Variants in CSMD1 observed in about 807,000 individuals in gnomAD.
CSMD1 encodes the protein CUB and sushi domain-containing protein 1.
A neutral mutation model predicts 417.5 loss-of-function variants in CSMD1; 213 were observed. The observed-to-expected ratio is 0.51, with a 90% confidence interval of 0.46 to 0.57. The LOEUF (loss-of-function observed/expected upper bound fraction) is 0.57, where lower values mean the gene tolerates loss of function less well. Ranked by LOEUF, CSMD1 falls within the 20% of genes least tolerant of loss-of-function variation. The pLI is 0.00. For missense variants in CSMD1, 6,923 were observed against 4,529.7 expected (o/e 1.53, Z -15.17); for synonymous variants, 2,862 against 1,736.8 (o/e 1.65, Z -16.11).
intron 3 of CSMD1, among the ~76,000 whole-genome samples, chr8:4,285,253 C>T (rs182909234): frequency 1.1e-4 from 17 of 152,198 alleles, no homozygotes; most frequent in Admixed American, 1.1e-3. Flanking sequence ...AGCAGGCCGA[C>T]TGTAGCCTTA....
At chr8:3,805,398 T>A (rs552532571) in intron 5 of CSMD1, among the ~76,000 whole-genome samples, 1 of 152,172 alleles carries the variant, frequency 6.6e-6, no homozygotes, top group East Asian at 1.9e-4. Flanking sequence ...AACCCTGTAA[T>A]CACAAGGAAA....
At chr8:4,132,826 TGATA>T (rs1438285358) in intron 3 of CSMD1, among the ~76,000 whole-genome samples, 1 of 152,208 alleles carries the variant, frequency 6.6e-6, no homozygotes, top group Non-Finnish European at 1.5e-5. Context: ...TAAATGCAGA[TGATA>T]GACAGTTTGT....
At chr8:4,159,394 G>A (rs958180468) in intron 3 of CSMD1, among the ~76,000 whole-genome samples, 2 of 152,070 alleles carry the variant, frequency 1.3e-5, no homozygotes, top group African/African-American at 4.8e-5. Flanking sequence ...TATCTACCGA[G>A]GGGAAAAGAA....
intron 1 of CSMD1, among the ~76,000 whole-genome samples, chr8:4,823,113 G>A (rs1043164157): frequency 6.6e-6 from 1 of 151,970 alleles, no homozygotes; most frequent in Non-Finnish European, 1.5e-5. Context: ...TGAATATACT[G>A]GTGTCAAACT....
chr8:3,937,979 C>T (rs563474778), intron 5 of CSMD1, among the ~76,000 whole-genome samples: 1 of 152,228 alleles, frequency 6.6e-6, no homozygotes, highest in African/African-American at 2.4e-5. Context: ...TAAGTTATAT[C>T]ACATGAATTT....
chr8:3,957,391 T>C (rs1346514572), intron 5 of CSMD1, among the ~76,000 whole-genome samples: 2 of 152,174 alleles, frequency 1.3e-5, no homozygotes, highest in East Asian at 1.9e-4. Flanking sequence ...TAAAAATATA[T>C]GTCAGTCTGG....
intron 2 of CSMD1, among the ~76,000 whole-genome samples, chr8:4,562,244 C>A (rs148508027): frequency 1.3e-5 from 2 of 152,066 alleles, no homozygotes; most frequent in Non-Finnish European, 2.9e-5. Context: ...GTGTTCCACA[C>A]GGGAAATACA....
At chr8:4,768,934 C>T (rs1247265637) in intron 1 of CSMD1, among the ~76,000 whole-genome samples, 1 of 152,150 alleles carries the variant, frequency 6.6e-6, no homozygotes, top group Non-Finnish European at 1.5e-5. Context: ...GATTCCTCAC[C>T]ATTTACCTAA....
At chr8:3,805,514 G>C (rs576757549) in intron 5 of CSMD1, among the ~76,000 whole-genome samples, 2 of 152,250 alleles carry the variant, frequency 1.3e-5, no homozygotes, top group South Asian at 2.1e-4. Flanking sequence ...ATGACTCTGA[G>C]TCCTGGAACA....
chr8:3,339,160 T>A (rs190187227), intron 23 of CSMD1, among the ~76,000 whole-genome samples: 1,887 of 152,166 alleles, frequency 0.012, 35 homozygotes, highest in African/African-American at 0.043. Flanking sequence ...ACAAAGGACA[T>A]GAACTCATCA....
chr8:4,143,448 T>A (rs1029768202), intron 3 of CSMD1, among the ~76,000 whole-genome samples: 17 of 150,864 alleles, frequency 1.1e-4, no homozygotes, highest in Non-Finnish European at 1.3e-4. Flanking sequence ...TTTGGTAAAT[T>A]TGTTTTATTA....
intron 2 of CSMD1, among the ~76,000 whole-genome samples, chr8:4,447,202 G>A (rs1373569171): frequency 1.3e-5 from 2 of 152,138 alleles, no homozygotes; most frequent in African/African-American, 2.4e-5. Flanking sequence ...ATGGATAAGG[G>A]AAAACAAATA....
At chr8:3,146,587 G>A (rs1248970149) in intron 40 of CSMD1, among the ~76,000 whole-genome samples, 1 of 152,168 alleles carries the variant, frequency 6.6e-6, no homozygotes, top group Non-Finnish European at 1.5e-5. Flanking sequence ...GCCTAAAATT[G>A]TGAGCAACCA....
intron 5 of CSMD1, among the ~76,000 whole-genome samples, chr8:3,858,627 A>G (rs1804476001): frequency 6.6e-6 from 1 of 152,082 alleles, no homozygotes; most frequent in Non-Finnish European, 1.5e-5. Context: ...TATTTAAAAC[A>G]TTACCTTTTT....
intron 3 of CSMD1, among the ~76,000 whole-genome samples, chr8:4,108,836 C>A (rs1290797312): frequency 2.6e-5 from 4 of 152,212 alleles, no homozygotes; most frequent in African/African-American, 7.2e-5. Flanking sequence ...CAGAGTTCTG[C>A]ATATGCATGC....
intron 3 of CSMD1, among the ~76,000 whole-genome samples, chr8:4,197,468 T>A (rs190779322): frequency 6.6e-6 from 1 of 152,292 alleles, no homozygotes; most frequent in Admixed American, 6.5e-5. Context: ...GTTTCATCAC[T>A]TGAAGGCCTC....
chr8:3,721,042 C>A (rs1406549461), intron 6 of CSMD1, among the ~76,000 whole-genome samples: 1 of 152,106 alleles, frequency 6.6e-6, no homozygotes, highest in African/African-American at 2.4e-5. Flanking sequence ...ACGCTGGTCT[C>A]AAACTCCCGA....
At chr8:4,137,174 T>G (rs908981240) in intron 3 of CSMD1, among the ~76,000 whole-genome samples, 2 of 152,204 alleles carry the variant, frequency 1.3e-5, no homozygotes, top group Non-Finnish European at 2.9e-5. Flanking sequence ...CATTTCCTCC[T>G]ACCTAATAGC....
chr8:4,286,089 A>G (rs1004476850), intron 3 of CSMD1, among the ~76,000 whole-genome samples: 8 of 152,084 alleles, frequency 5.3e-5, no homozygotes, highest in Non-Finnish European at 8.8e-5. Context: ...AGAAATACAC[A>G]TTATTCTTTA....
Sources: allele counts gnomAD v4.1 joint callset (sites outside exome capture counted in the v4.1 genomes callset), GRCh38; gene constraint gnomAD v4.1.1; transcripts MANE v1.5; gene names NCBI Gene and HGNC (gene_info 2026-07-23, HGNC 2026-07-21).